KCNH3: variants seen among roughly 807,000 people sequenced by gnomAD.
The protein encoded by KCNH3 is potassium voltage-gated channel subfamily H member 3, also known as voltage-gated inwardly rectifying potassium channel KCNH3.
A neutral mutation model predicts 95.6 loss-of-function variants in KCNH3; 36 were observed. The ratio of observed to expected loss-of-function variants is 0.38; its 90% CI spans 0.29 to 0.50. The LOEUF (loss-of-function observed/expected upper bound fraction) is 0.50, where lower values mean the gene tolerates loss of function less well. KCNH3 is among the 20% of genes least tolerant of loss of function. KCNH3 has a pLI of 0.95. For synonymous variants in KCNH3, 620 were observed against 646.3 expected, an observed-to-expected ratio of 0.96 and a Z score of 0.62; for missense variants, 1,030 against 1,484.1, an observed-to-expected ratio of 0.69 and a Z score of 5.03.
chr12:49,549,629 G>C lies in KCNH3; in HGVS notation c.1657G>C (p.Asp553His). Reference sequence around the variant, plus strand: ...CACCTGGGCGGTGAACAATGGCATCGACACCACCGAGGTGCGGCCTCCGGG... The same window carrying C: ...CACCTGGGCGGTGAACAATGGCATCCACACCACCGAGGTGCGGCCTCCGGG... ...QATWAVNNGIDTTELLQSLPD... is the reference protein window; with the variant it reads ...QATWAVNNGIHTTELLQSLPD... Residue 553 changes from aspartate (D) to histidine (H), a missense_variant, in exon 9 of 15, where the codon GAC (aspartate) becomes CAC (histidine). Physicochemically the swap from Asp to His is moderately conservative, Grantham distance 81 (BLOSUM62 -1). Coordinates refer to ENST00000257981, the MANE Select transcript of KCNH3 (RefSeq NM_012284.3). 2 of 1,609,026 alleles carry C rather than the reference G, an allele frequency of 1.2e-6. No homozygotes were observed. The highest frequency in any genetic ancestry group is 1.7e-6 in the Non-Finnish European group (2 of 1,179,878).
chr12:49,550,531 C>T (rs1378087387), intron 10 of KCNH3, among the ~76,000 whole-genome samples: 2 of 152,186 alleles, frequency 1.3e-5, no homozygotes, highest in Admixed American at 6.5e-5. Context: ...TAGGTGGACA[C>T]GATCTCGCAG....
chr12:49,541,163 C>G lies in KCNH3; in HGVS notation c.310+31C>G, dbSNP rs1346215641. The G allele has an allele frequency of 1.9e-6, 3 of 1,541,452 alleles. No homozygotes were observed. The Admixed American group carries it at 5.1e-5, about 26-fold the overall frequency. ...GGGCCACCTGGCCAGCCTGCCTCACCTTTGCAGTCTCACCCAGCCTGGCAC... is the reference window on the plus strand; with the variant it reads ...GGGCCACCTGGCCAGCCTGCCTCACGTTTGCAGTCTCACCCAGCCTGGCAC... On this transcript the variant is annotated intron_variant, in intron 2 of 14. Transcript: ENST00000257981.
chr12:49,543,503 G>A lies in KCNH3; in HGVS notation c.808G>A (p.Val270Ile). Reference sequence around the variant, plus strand: ...CAGCGTCTGTGACCTGGCCGTGGAGGTCCTCTTCATCCTTGGTGCGTGCAC... The same window carrying A: ...CAGCGTCTGTGACCTGGCCGTGGAGATCCTCTTCATCCTTGGTGCGTGCAC... ...PPSVCDLAVE[V>I]LFILDIVLNF... Residue 270 changes from valine to isoleucine, a missense_variant, in exon 5 of 15, where the codon GTC (valine) becomes ATC (isoleucine). Transcript: ENST00000257981. 5 of 1,598,018 alleles carry A rather than the reference G, an allele frequency of 3.1e-6. No homozygotes were observed. Among genetic ancestry groups the A allele is most frequent in the Non-Finnish European group, 4.2e-6 (5 of 1,178,136 alleles).
intron 11 of KCNH3, among the ~76,000 whole-genome samples, chr12:49,555,047 G>A (rs1938386275): frequency 6.6e-6 from 1 of 152,094 alleles, no homozygotes; most frequent in South Asian, 2.1e-4. Context: ...TAGGCTGAGG[G>A]ACCTGGTAGA....
At position 49,557,556 on chromosome 12, in the gene KCNH3, C is replaced by A. The variant is rs1390804504; in HGVS notation, c.2855C>A (p.Pro952Gln). Residue 952 changes from proline (P) to glutamine (Q), a missense_variant, in exon 15 of 15, where the codon CCA becomes CAA. Physicochemically the swap from Pro to Gln is moderately conservative, Grantham distance 76 (BLOSUM62 -1). Transcript: ENST00000257981. ...TGASSYCLQPPAGSVLSGTWP... is the reference protein window; with the variant it reads ...TGASSYCLQPQAGSVLSGTWP... Reference sequence around the variant, plus strand: ...GCATCCTCCTACTGCCTGCAGCCCCCAGCTGGCTCTGTCTTGAGTGGGACT... The same window carrying A: ...GCATCCTCCTACTGCCTGCAGCCCCAAGCTGGCTCTGTCTTGAGTGGGACT... 14 of 1,612,212 alleles carry A rather than the reference C, an allele frequency of 8.7e-6. No homozygotes were observed. The highest frequency in any genetic ancestry group is 1.1e-5 in the Non-Finnish European group (13 of 1,180,002).
At chr12:49,548,051 G>A (rs1344678149) in intron 7 of KCNH3, among the ~76,000 whole-genome samples, 1 of 152,090 alleles carries the variant, frequency 6.6e-6, no homozygotes, top group East Asian at 1.9e-4. Flanking sequence ...CGGGCTGAGG[G>A]GCAATCCAGC....
intron 9 of KCNH3, among the ~76,000 whole-genome samples, chr12:49,549,866 TG>T (rs891087656): frequency 9.9e-5 from 15 of 152,164 alleles, no homozygotes; most frequent in African/African-American, 3.6e-4. Context: ...GGTGGGAAGC[TG>T]GGCTGCTCTG....
chr12:49,549,364 C>G (rs1323548648), intron 8 of KCNH3, 77 bp from the exon 9 acceptor site: 7 of 1,548,520 alleles, frequency 4.5e-6, no homozygotes, highest in African/African-American at 2.7e-5. Context: ...GCGTGCGGGC[C>G]GAGGACAGAT....
chr12:49,554,634 G>C, intron 11 of KCNH3, 80 bp downstream of exon 11: 1 of 1,272,160 alleles, frequency 7.9e-7, no homozygotes, highest in Admixed American at 1.8e-5. Flanking sequence ...GGGGATGGTG[G>C]AGAGCTGTGT....
At chr12:49,543,597 A>C in intron 5 of KCNH3, 79 bp downstream of exon 5, 4 of 1,524,186 alleles carry the variant, frequency 2.6e-6, no homozygotes, top group South Asian at 1.2e-5. Flanking sequence ...CGTGGCTTCC[A>C]GGGTGCTACA....
At position 49,550,122 on chromosome 12, in the gene KCNH3, A is replaced by G; in HGVS notation, c.1711A>G (p.Met571Val). ...TGACGAGCTGCGCGCAGACATCGCC[A>G]TGCACCTGCACAAGGAGGTCCTGCA... is the stretch of plus-strand genomic sequence containing the variant. ...LPDELRADIA[M>V]HLHKEVLQLP... Residue 571 changes from methionine (M) to valine (V), a missense_variant, in exon 10 of 15, where the codon ATG becomes GTG. By Grantham distance (21) the Met-to-Val change is conservative. Transcript: ENST00000257981. The G allele has an allele frequency of 6.9e-7, 1 of 1,443,906 alleles. No individual in the cohort carries two copies. The highest frequency in any genetic ancestry group is 9.3e-7 in the Non-Finnish European group (1 of 1,076,736). 89.4% of individuals were successfully genotyped at this position (1,443,906 alleles called of 1,614,324 possible). A position where few individuals can be genotyped will look rare whatever the true frequency, so the allele number is the denominator to read the frequency against.
chr12:49,549,223 C>A (rs376863635), intron 8 of KCNH3, 50 bp downstream of exon 8: 2 of 1,531,826 alleles, frequency 1.3e-6, no homozygotes, highest in Non-Finnish European at 8.8e-7. Flanking sequence ...GACTTCTGCC[C>A]GCAGGCGGCG....
Position 49,541,071 on chromosome 12 carries a change from C to T in KCNH3, c.249C>T (p.Ile83=). 6.2e-7 allele frequency: 1 copy of T among 1,612,512 alleles called. No individual in the cohort carries two copies. Among genetic ancestry groups the T allele is most frequent in the Non-Finnish European group, 8.5e-7 (1 of 1,180,036 alleles). Residue 83 remains isoleucine (I), a synonymous_variant, in exon 2 of 15, where the codon ATC becomes ATT. Transcript: ENST00000257981. The part of the protein sequence containing the change: ...PDTSELVRQQ[I]RKALDEHKEF... ...CCAGTGAGCTCGTCCGCCAACAGATCCGCAAGGCCCTGGACGAGCACAAGG... is the reference window on the plus strand; with the variant it reads ...CCAGTGAGCTCGTCCGCCAACAGATTCGCAAGGCCCTGGACGAGCACAAGG...
At chr12:49,544,145 T>TTCCAAA in intron 6 of KCNH3, 30 bp from the exon 7 acceptor site, 1 of 818,352 alleles carries the variant, frequency 1.2e-6, no homozygotes, top group Non-Finnish European at 2.0e-6. Context: ...CTGACCTCCC[T>TTCCAAA]CCCTCCCTCC....
In KCNH3 at chr12:49,556,599, C is replaced by T. The variant is rs140848598; in HGVS notation, c.2575+123C>T. On this transcript the variant is annotated intron_variant, in intron 13 of 14. Transcript: ENST00000257981. The stretch of plus-strand genomic sequence containing the variant: ...CTGGCAGACTGCCTGGAGGCCGTCT[C>T]ACCCCACTACCCCTTGGTGTCGTGC... The T allele has an allele frequency of 8.3e-4, 625 of 757,036 alleles. 8 individuals carry two copies. The East Asian group carries it at 0.013, about 16-fold the overall frequency. The allele number at this position is 757,036 out of a possible 1,614,324, so 46.9% of individuals were successfully genotyped here.
rs751029241 is a variant in KCNH3 at position 49,556,406 on chromosome 12, C to G, written c.2505C>G (p.Asp835Glu). ...GCATTGAAGACGGCTGTGGCTCGGA[C>G]CAGCCCAAGTTCTCTTTCCGCGTGG... ...VDGIEDGCGS[D>E]QPKFSFRVGQ... is the part of the protein sequence containing the mutation. The change falls in exon 13 of 15, where the codon GAC (aspartate) becomes GAG (glutamate). Residue 835 changes from aspartate to glutamate, a missense_variant. Asp to Glu is a conservative substitution (Grantham distance 45). Transcript: ENST00000257981. The G allele has an allele frequency of 1.2e-6, 2 of 1,613,908 alleles. No homozygotes were observed. Among genetic ancestry groups the G allele is most frequent in the Admixed American group, 1.7e-5 (1 of 60,000 alleles).
rs1938426572 is a variant in KCNH3, at chr12:49,555,947, C to T, written c.2464C>T (p.Pro822Ser). Residue 822 changes from proline to serine, a missense_variant, in exon 12 of 15, where the codon CCC becomes TCC. Pro to Ser is a moderately conservative substitution (Grantham distance 74). Coordinates refer to ENST00000257981, the MANE Select transcript of KCNH3 (RefSeq NM_012284.3). ...ATGGAATGTGCCCCCAGATCTGAGC[C>T]CCAGGTGAGCAGACCCTAGGCCCCC... The part of the protein sequence containing the change: ...MPWNVPPDLS[P>S]RVVDGIEDGC... 6.6e-7 allele frequency: 1 copy of T among 1,520,688 alleles called. No individual in the cohort carries two copies. The highest frequency in any genetic ancestry group is 1.4e-5 in the African/African-American group (1 of 73,338). 94.2% of individuals were successfully genotyped at this position (1,520,688 alleles called of 1,614,324 possible). A position where few individuals can be genotyped will look rare whatever the true frequency, so the allele number is the denominator to read the frequency against.
In KCNH3 at chr12:49,543,485, T is replaced by G; in HGVS notation, c.790T>G (p.Cys264Gly). 1.3e-6 allele frequency: 2 copies of G among 1,599,836 alleles called. No homozygotes were observed. The highest frequency in any genetic ancestry group is 1.7e-6 in the Non-Finnish European group (2 of 1,178,786). Residue 264 changes from cysteine to glycine, a missense_variant, in exon 5 of 15, where the codon TGT becomes GGT. This residue lies in a region of KCNH3 where 153 missense variants were observed against 288.5 expected (regional missense o/e 0.53). Transcript: ENST00000257981. ...TGCCGCCCGCGGCCCGCCCAGCGTCTGTGACCTGGCCGTGGAGGTCCTCTT... is the reference window on the plus strand; with the variant it reads ...TGCCGCCCGCGGCCCGCCCAGCGTCGGTGACCTGGCCGTGGAGGTCCTCTT... The part of the protein sequence containing the change: ...PSAARGPPSV[C>G]DLAVEVLFIL...
Position 49,549,535 on chromosome 12 carries a change from G to A in KCNH3, c.1563G>A (p.Leu521=). 2.5e-6 allele frequency: 4 copies of A among 1,613,642 alleles called. No homozygotes were observed. The highest frequency in any genetic ancestry group is 4.5e-5 in the East Asian group (2 of 44,880). The change falls in exon 9 of 15, where the codon CTG becomes CTA. Residue 521 remains leucine, a synonymous_variant. Transcript: ENST00000257981. ...TGTACCACAGCCGCACGCGCGACCT[G>A]CGCGACTACATCCGCATCCACCGTA... ...RFLYHSRTRD[L]RDYIRIHRIP...
Sources: allele counts gnomAD v4.1 joint callset (sites outside exome capture counted in the v4.1 genomes callset), GRCh38; gene constraint gnomAD v4.1.1; regional missense constraint gnomAD v4.1.1; transcripts MANE v1.5; gene names NCBI Gene and HGNC (gene_info 2026-07-23, HGNC 2026-07-21).